Variants in GRM1 observed in about 807,000 individuals in gnomAD.
GRM1 encodes the protein glutamate metabotropic receptor 1, also known as metabotropic glutamate receptor 1.
In GRM1, 33 loss-of-function variants were observed where a neutral mutation model predicts 90.9. The observed-to-expected ratio is 0.36, with a 90% confidence interval of 0.28 to 0.49. GRM1 has a LOEUF of 0.49. Ranked by LOEUF, GRM1 falls within the 20% of genes least tolerant of loss-of-function variation. The pLI, the probability that GRM1 is intolerant of heterozygous loss-of-function variation, is 0.99. For missense variants in GRM1, 1,190 were observed against 1,534.3 expected, an observed-to-expected ratio of 0.78 and a Z score of 3.75; for synonymous variants, 700 against 613.2, an observed-to-expected ratio of 1.14 and a Z score of -2.09.
chr6:146,157,668 A>G (rs1291667268), intron 1 of GRM1, among the ~76,000 whole-genome samples: 2 of 152,096 alleles, frequency 1.3e-5, no homozygotes, highest in Non-Finnish European at 2.9e-5. Context: ...AAGAGAGGGA[A>G]CAACTGTAGG....
chr6:146,169,995 T>A (rs566840370), intron 2 of GRM1, among the ~76,000 whole-genome samples: 1 of 152,332 alleles, frequency 6.6e-6, no homozygotes, highest in South Asian at 2.1e-4. Context: ...TATCTGAGAA[T>A]GTCTTTATTT....
rs1039503552 is a variant in GRM1 at position 146,401,544 on chromosome 6, G to A, written c.2660+1845G>A. On this transcript the variant is annotated intron_variant, in intron 7 of 7. Coordinates refer to ENST00000282753, the MANE Select transcript of GRM1 (RefSeq NM_001278064.2). ...GAAAGAAGGCATTTCTTAAACTGGA[G>A]TGTTCACAAGGATTAAAAGATTCAC... Among the ~76,000 whole-genome samples, 3 of 152,258 alleles carry A rather than the reference G, an allele frequency of 2.0e-5. No individual in the cohort carries two copies. In the East Asian group the frequency reaches 5.8e-4, roughly 29 times the overall value.
chr6:146,073,137 T>C (rs1776071157), intron 1 of GRM1, among the ~76,000 whole-genome samples: 1 of 152,120 alleles, frequency 6.6e-6, no homozygotes, highest in East Asian at 1.9e-4. Flanking sequence ...TATAATAACA[T>C]ATCTCAGGGT....
chr6:146,119,407 T>C (rs1043092452), intron 1 of GRM1, among the ~76,000 whole-genome samples: 1 of 152,236 alleles, frequency 6.6e-6, no homozygotes, highest in Non-Finnish European at 1.5e-5. Context: ...TTCACTCTGA[T>C]GGTAGTTTCT....
At chr6:146,074,260 C>T (rs900556500) in intron 1 of GRM1, among the ~76,000 whole-genome samples, 31 of 152,230 alleles carry the variant, frequency 2.0e-4, no homozygotes, top group African/African-American at 7.2e-4. Context: ...GTGCAGCCTT[C>T]ATCTCGAAAA....
chr6:146,361,249 G>A (rs778527216), intron 5 of GRM1, among the ~76,000 whole-genome samples: 36 of 152,222 alleles, frequency 2.4e-4, no homozygotes, highest in Non-Finnish European at 5.9e-5. Flanking sequence ...GAGACAGCAA[G>A]AGATGACAGA....
intron 2 of GRM1, among the ~76,000 whole-genome samples, chr6:146,177,948 G>C (rs775742099): frequency 6.6e-6 from 1 of 152,032 alleles, no homozygotes; most frequent in African/African-American, 2.4e-5. Context: ...TGCTAAGATA[G>C]GTCAAGAAAG....
rs1689057326 is a variant in GRM1, at chr6:146,434,675, TGGCCTC to T, written c.3467_3472del (p.Ala1156_Ser1157del). ...CCTCCGTCGCCTTTCCGCGACTCGG[TGGCCTC>T]GGGCAGCTCGGTGCCCAGCTCCCCC... On this transcript the variant is annotated inframe_deletion, in exon 8 of 8. Transcript: ENST00000282753. 6.2e-7 allele frequency: 1 copy of T among 1,606,930 alleles called. No homozygotes were observed. The highest frequency in any genetic ancestry group is 1.7e-5 in the Admixed American group (1 of 60,008).
chr6:146,315,666 G>A (rs1257647288), intron 3 of GRM1, among the ~76,000 whole-genome samples: 2 of 152,120 alleles, frequency 1.3e-5, no homozygotes, highest in Non-Finnish European at 2.9e-5. Context: ...TTGGAGTGAG[G>A]CCAAGCATTT....
intron 2 of GRM1, among the ~76,000 whole-genome samples, chr6:146,229,710 G>A (rs936561173): frequency 1.3e-5 from 2 of 152,062 alleles, no homozygotes; most frequent in Admixed American, 6.6e-5. Context: ...CAAAAATTAT[G>A]GGAGTAAGCA....
intron 2 of GRM1, among the ~76,000 whole-genome samples, chr6:146,280,813 A>G (rs1352678589): frequency 1.3e-5 from 2 of 151,730 alleles, no homozygotes; most frequent in African/African-American, 4.9e-5. Context: ...TTTTTTGTAG[A>G]GATAGGGTCG....
intron 1 of GRM1, among the ~76,000 whole-genome samples, chr6:146,036,020 G>A (rs1790878444): frequency 6.6e-6 from 1 of 151,958 alleles, no homozygotes; most frequent in African/African-American, 2.4e-5. Flanking sequence ...AGGGTAGGTG[G>A]TGATGGCAGC....
intron 2 of GRM1, chr6:146,171,264 T>C (rs928648364): frequency 1.3e-5 from 2 of 152,194 alleles, no homozygotes; most frequent in African/African-American, 2.4e-5. Context: ...GACTTAAAAA[T>C]ACAAAATTTT....
At chr6:146,087,379 C>G (rs534049099) in intron 1 of GRM1, among the ~76,000 whole-genome samples, 2 of 152,224 alleles carry the variant, frequency 1.3e-5, no homozygotes, top group African/African-American at 4.8e-5. Context: ...AACCAGGAAA[C>G]TAACATTGGC....
chr6:146,393,024 T>C (rs879217560), intron 6 of GRM1, among the ~76,000 whole-genome samples: 5 of 152,184 alleles, frequency 3.3e-5, no homozygotes, highest in African/African-American at 1.2e-4. Context: ...AGTAGAATGA[T>C]TGGTAATCCT....
chr6:146,122,839 CTTTTTT>C (rs57859188), intron 1 of GRM1, among the ~76,000 whole-genome samples: 2 of 62,222 alleles, frequency 3.2e-5, no homozygotes, highest in Non-Finnish European at 5.8e-5. Flanking sequence ...TCTTTTCTTT[CTTTTTT>C]TTTTTTTTTT....
intron 5 of GRM1, among the ~76,000 whole-genome samples, chr6:146,376,960 G>A (rs1258301000): frequency 6.6e-6 from 1 of 152,016 alleles, no homozygotes. Flanking sequence ...TTATAAAGGG[G>A]AGTTCCCCTG....
chr6:146,414,354 T>C (rs886542280), intron 7 of GRM1, among the ~76,000 whole-genome samples: 1 of 148,792 alleles, frequency 6.7e-6, no homozygotes, highest in African/African-American at 2.5e-5. Context: ...AAATTCTTTC[T>C]TCTTTTATTG....
intron 1 of GRM1, among the ~76,000 whole-genome samples, chr6:146,064,796 A>C (rs1308321515): frequency 6.6e-6 from 1 of 151,852 alleles, no homozygotes; most frequent in South Asian, 2.1e-4. Context: ...GTCTCAAAAA[A>C]AAAAAAAAAA....
Sources: gnomAD v4.1 joint callset for allele counts (sites outside exome capture counted in the v4.1 genomes callset) on GRCh38, gnomAD v4.1.1 for gene constraint, MANE v1.5 for transcripts, NCBI Gene and HGNC (gene_info 2026-07-23, HGNC 2026-07-21) for gene names.